SEMA4G: variants seen among roughly 807,000 people sequenced by gnomAD.
SEMA4G encodes semaphorin 4G, also known as semaphorin-4G.
Under a neutral mutation model 81.2 loss-of-function variants are expected in SEMA4G, and 59 were observed. The observed-to-expected ratio is 0.73, with a 90% confidence interval of 0.59 to 0.90. The LOEUF is 0.90. Among genes scored for constraint, SEMA4G ranks in the 40% least tolerant of loss-of-function variants. The probability of loss-of-function intolerance (pLI) is 0.00; values close to 1 mark genes in which losing one functional copy is unlikely to be tolerated. For missense variants in SEMA4G, 952 were observed against 1,102.3 expected, an observed-to-expected ratio of 0.86 and a Z score of 1.93; for synonymous variants, 404 against 433.9, an observed-to-expected ratio of 0.93 and a Z score of 0.86.
chr10:100,981,556 CAA>C (rs1363237174), intron 13 of SEMA4G: 5 of 1,613,570 alleles, frequency 3.1e-6, no homozygotes, highest in Non-Finnish European at 4.2e-6. Context: ...GAAGAAAGAA[CAA>C]AAGTTAATCA....
downstream of SEMA4G, chr10:100,985,561 G>C (rs1397803701): frequency 6.6e-6 from 1 of 152,574 alleles, no homozygotes; most frequent in Non-Finnish European, 1.5e-5. Flanking sequence ...AGAGTGGGGA[G>C]CCTGGGCTCA....
chr10:100,975,601 T>C (rs758206305), intron 3 of SEMA4G, among the ~76,000 whole-genome samples: 1 of 152,174 alleles, frequency 6.6e-6, no homozygotes. Flanking sequence ...CTCAGGCCTG[T>C]AATCCCAGCA....
chr10:100,981,768 T>G (rs1481542006), intron 13 of SEMA4G, among the ~76,000 whole-genome samples: 1 of 152,128 alleles, frequency 6.6e-6, no homozygotes, highest in African/African-American at 2.4e-5. Context: ...GGACCAGAAT[T>G]CAAACCTGGC....
exon 14 of SEMA4G, chr10:100,983,667 G>T (rs149914326): frequency 3.3e-5 from 53 of 1,613,468 alleles, no homozygotes; most frequent in Non-Finnish European, 4.5e-5. Context: ...TGCCGCGCTT[G>T]GTGGCCTCTG....
rs781780422 is a variant in SEMA4G, at chr10:100,973,315, A to C, written c.273+38A>C. The stretch of plus-strand genomic sequence containing the variant: ...AACCTGGACCACCCAGAGGGTCTCT[A>C]TGCTTATCCAGCTCCCTGGGACCTC... On this transcript the variant is annotated intron_variant, in intron 2 of 13. Transcript: ENST00000370250. The surrounding 1 kb of genome is among the most constrained non-coding windows in gnomAD (Gnocchi z 5.5). 6.2e-7 allele frequency: 1 copy of C among 1,607,776 alleles called. No homozygotes were observed. Among genetic ancestry groups the C allele is most frequent in the East Asian group, 2.2e-5 (1 of 44,846 alleles).
chr10:100,975,432 C>T (rs1850745639), intron 3 of SEMA4G, among the ~76,000 whole-genome samples: 1 of 152,176 alleles, frequency 6.6e-6, no homozygotes, highest in South Asian at 2.1e-4. Context: ...GTTTGGGAAA[C>T]ACTACATGCC....
chr10:100,981,492 C>G (rs1851071094), intron 13 of SEMA4G: 2 of 1,614,148 alleles, frequency 1.2e-6, no homozygotes. Context: ...GACAAGGGTT[C>G]AGGACGGTAA....
intron 3 of SEMA4G, among the ~76,000 whole-genome samples, chr10:100,977,043 G>A (rs1347707360): frequency 6.6e-6 from 1 of 152,164 alleles, no homozygotes; most frequent in East Asian, 1.9e-4. Context: ...TGAGGAAGTA[G>A]GAAGCAGCAA....
At chr10:100,972,803 T>TGAC in exon 1 of SEMA4G, 1 of 1,225,858 alleles carries the variant, frequency 8.2e-7, no homozygotes, top group East Asian at 2.3e-5. Flanking sequence ...ACCTTCCAAG[T>TGAC]GACTTCCTTG....
Position 100,980,087 on chromosome 10 carries a change from G to T in SEMA4G, c.1129-35G>T, listed in dbSNP as rs766581235. The T allele has an allele frequency of 3.1e-6, 5 of 1,612,506 alleles. No homozygotes were observed. The African/African-American group carries it at 4.0e-5, about 13-fold the overall frequency. ...GTGGAGAGGGCAGGCAGGTGGTGGA[G>T]TCCCGAGGTTCACCACCTTCGTCCC... On this transcript the variant is annotated intron_variant, in intron 9 of 13. Coordinates refer to ENST00000370250, the Ensembl canonical transcript of SEMA4G.
upstream of SEMA4G, among the ~76,000 whole-genome samples, chr10:100,970,545 C>CCACACA (rs35324166): frequency 4.0e-5 from 6 of 149,446 alleles, no homozygotes; most frequent in Non-Finnish European, 7.4e-5. Context: ...TCCCCCATCA[C>CCACACA]CACACACACA....
At chr10:100,982,920 C>T (rs746783985) in intron 13 of SEMA4G, among the ~76,000 whole-genome samples, 13 of 152,198 alleles carry the variant, frequency 8.5e-5, no homozygotes, top group Middle Eastern at 3.2e-3. Context: ...GACTTGGTGT[C>T]GTTGGGGAGA....
chr10:100,981,299 C>G, intron 13 of SEMA4G, 70 bp downstream of exon 14: 1 of 1,595,042 alleles, frequency 6.3e-7, no homozygotes, highest in South Asian at 1.1e-5. Flanking sequence ...GCCATGTGTA[C>G]GTATATGTTT....
At chr10:100,971,687 T>C (rs974521103), upstream of SEMA4G, among the ~76,000 whole-genome samples, 1 of 152,066 alleles carries the variant, frequency 6.6e-6, no homozygotes, top group African/African-American at 2.4e-5. Flanking sequence ...AACCCCTTGG[T>C]GATTAGGAGG....
chr10:100,980,878 C>T (rs1365187139), exon 12 of SEMA4G: 2 of 1,610,074 alleles, frequency 1.2e-6, no homozygotes, highest in East Asian at 2.2e-5. Context: ...TCTCCAGCTG[C>T]TCCCGCTACC....
chr10:100,978,801 G>C lies in SEMA4G; in HGVS notation c.644-48G>C, dbSNP rs761582704. On this transcript the variant is annotated intron_variant, in intron 6 of 13. Transcript: ENST00000370250. ...GGGGTCAGCCTCAGAGTGAGGGAAA[G>C]GAATCCCCAGCCTGTCTCAAAAGCC... The C allele has an allele frequency of 1.6e-5, 25 of 1,598,798 alleles. No individual in the cohort carries two copies. In the South Asian group the frequency reaches 2.7e-4, roughly 17 times the overall value.
At chr10:100,969,716 A>G (rs1319188151), upstream of SEMA4G, 1 of 378,598 alleles carries the variant, frequency 2.6e-6, no homozygotes, top group Non-Finnish European at 5.5e-6. Flanking sequence ...TCTCACCACC[A>G]AGTCCCCCGG....
At chr10:100,970,824 A>G (rs554022882), upstream of SEMA4G, among the ~76,000 whole-genome samples, 126 of 152,232 alleles carry the variant, frequency 8.3e-4, no homozygotes, top group South Asian at 3.5e-3. Flanking sequence ...CACTATATCA[A>G]TGGGTTTGTG....
exon 14 of SEMA4G, chr10:100,984,200 T>G: frequency 6.5e-7 from 1 of 1,527,188 alleles, no homozygotes; most frequent in Non-Finnish European, 8.8e-7. Flanking sequence ...ACTGCCTCCC[T>G]AACACAGCCA....
Sources: allele counts gnomAD v4.1 joint callset (sites outside exome capture counted in the v4.1 genomes callset), GRCh38; gene constraint gnomAD v4.1.1; non-coding constraint Gnocchi (gnomAD v3.1); transcripts MANE v1.5; gene names NCBI Gene and HGNC (gene_info 2026-07-23, HGNC 2026-07-21).